The following DHRS4 variants were observed in gnomAD, a reference collection of about 807,000 sequenced individuals.
The protein encoded by DHRS4 is dehydrogenase/reductase 4.
DHRS4 carries 20 observed loss-of-function variants against 28.4 expected under a neutral mutation model. That is an observed-to-expected ratio of 0.71 (90% CI 0.50 to 1.02). DHRS4 has a LOEUF of 1.02. Among genes scored for constraint, DHRS4 ranks in the 50% least tolerant of loss-of-function variants. The pLI is 0.00. For missense variants in DHRS4, 378 were observed against 367.2 expected (o/e 1.03, Z -0.24); for synonymous variants, 144 against 146.4 (o/e 0.98, Z 0.12).
chr14:23,959,590 G>A (rs536145587), intron 2 of DHRS4, among the ~76,000 whole-genome samples: 15 of 152,064 alleles, frequency 9.9e-5, no homozygotes, highest in South Asian at 4.2e-4. Flanking sequence ...AATGGTTAGC[G>A]GCAGATCTTA....
intron 7 of DHRS4, among the ~76,000 whole-genome samples, chr14:23,968,276 G>T (rs1356313664): frequency 6.7e-6 from 1 of 149,538 alleles, no homozygotes; most frequent in Non-Finnish European, 1.5e-5. Context: ...GATAAAATAA[G>T]AATTAGCACA....
chr14:23,956,379 G>C (rs1367042544), intron 2 of DHRS4, among the ~76,000 whole-genome samples: 1 of 152,196 alleles, frequency 6.6e-6, no homozygotes. Context: ...TACAGGCCTG[G>C]CCCAGAGGTG....
At chr14:23,961,101 C>T (rs1434281809) in intron 3 of DHRS4, among the ~76,000 whole-genome samples, 1 of 151,696 alleles carries the variant, frequency 6.6e-6, no homozygotes, top group Non-Finnish European at 1.5e-5. Context: ...ACACCAGGCC[C>T]CACCTGGAAC....
At chr14:23,955,457 A>C in intron 2 of DHRS4, among the ~76,000 whole-genome samples, 1 of 152,150 alleles carries the variant, frequency 6.6e-6, no homozygotes. Context: ...AGTAATTTTC[A>C]ATCTAATTGA....
rs926612921 is a variant in DHRS4 at position 23,967,332 on chromosome 14, C to T, written c.722+66C>T. 441 of 1,547,662 alleles carry T rather than the reference C, an allele frequency of 2.8e-4. 4 individuals are homozygous for T. Among genetic ancestry groups the T allele is most frequent in the Non-Finnish European group, 3.8e-4 (430 of 1,135,850 alleles). On this transcript the variant is annotated intron_variant, in intron 7 of 7. Coordinates refer to ENST00000313250, the MANE Select transcript of DHRS4 (RefSeq NM_021004.4). Reference sequence around the variant, plus strand: ...ATGGGAAGGTCTGGTCCCTAGCAGCCCACAGCCCGCTGTCTCAGTCCCACA... The same window carrying T: ...ATGGGAAGGTCTGGTCCCTAGCAGCTCACAGCCCGCTGTCTCAGTCCCACA...
At position 23,959,620 on chromosome 14, in the gene DHRS4, T is replaced by A. The variant is rs565657037; in HGVS notation, c.307-282T>A. 7.2e-5 allele frequency among the ~76,000 whole-genome samples: 11 copies of A among 151,926 alleles called. No homozygotes were observed. In the South Asian group the frequency reaches 2.3e-3, roughly 32 times the overall value. On this transcript the variant is annotated intron_variant, in intron 2 of 7. Transcript: ENST00000313250. ...ATCTTAGGGTAGTTTTCAAAAAAGA[T>A]GTTTTAAGAAATAGAAGTTATTTTG...
intron 2 of DHRS4, among the ~76,000 whole-genome samples, chr14:23,958,366 G>C (rs2033260199): frequency 6.6e-6 from 1 of 152,126 alleles, no homozygotes; most frequent in Non-Finnish European, 1.5e-5. Flanking sequence ...AGTTGACCGA[G>C]GGCCCGTGTA....
At chr14:23,960,032 G>GGC (rs1566472619) in intron 3 of DHRS4, 29 bp downstream of exon 3, 1 of 1,589,408 alleles carries the variant, frequency 6.3e-7, no homozygotes, top group African/African-American at 1.5e-5. Flanking sequence ...AGGGGGGCCG[G>GGC]GGGGGGCGCC....
chr14:23,954,120 GC>G (rs1479326879), intron 1 of DHRS4: 1 of 741,814 alleles, frequency 1.3e-6, no homozygotes, highest in Admixed American at 3.0e-5. Flanking sequence ...TCCTGTCCCT[GC>G]TACCTCTGGC....
chr14:23,962,862 T>C (rs2033474108), intron 3 of DHRS4, among the ~76,000 whole-genome samples: 1 of 148,958 alleles, frequency 6.7e-6, no homozygotes, highest in Non-Finnish European at 1.5e-5. Flanking sequence ...TCTTAAATAA[T>C]AAGTCTTGGA....
intron 2 of DHRS4, among the ~76,000 whole-genome samples, 155 bp from the exon 3 acceptor site, chr14:23,959,747 C>T (rs2033330755): frequency 1.3e-5 from 2 of 151,866 alleles, no homozygotes; most frequent in African/African-American, 2.4e-5. Context: ...TCAAACTCCT[C>T]AGCTCAAGTG....
At position 23,953,815 on chromosome 14, in the gene DHRS4, C is replaced by T; in HGVS notation, c.27C>T (p.Leu9=). The change falls in exon 1 of 8, where the codon CTC becomes CTT. Residue 9 remains leucine (L), a synonymous_variant. Coordinates refer to ENST00000313250, the MANE Select transcript of DHRS4 (RefSeq NM_021004.4). MHKAGLLG[L]CARAWNSVRM... ...TGCACAAGGCGGGGCTGCTAGGCCT[C>T]TGTGCCCGGGCTTGGAATTCGGTGC... is the stretch of plus-strand genomic sequence containing the variant. 1 of 1,614,130 alleles carries T rather than the reference C, an allele frequency of 6.2e-7. No homozygotes were observed.
intron 2 of DHRS4, among the ~76,000 whole-genome samples, chr14:23,958,308 G>A (rs1476019433): frequency 6.6e-6 from 1 of 152,180 alleles, no homozygotes; most frequent in East Asian, 1.9e-4. Context: ...CTAGCAGATG[G>A]TGTACATTGT....
chr14:23,963,677 T>C (rs1394772883), intron 3 of DHRS4, among the ~76,000 whole-genome samples: 1 of 147,750 alleles, frequency 6.8e-6, no homozygotes, highest in Non-Finnish European at 1.5e-5. Flanking sequence ...ATCATTTATA[T>C]GTTCAGAGAA....
chr14:23,962,707 A>C (rs1228805339), intron 3 of DHRS4, among the ~76,000 whole-genome samples: 2 of 151,266 alleles, frequency 1.3e-5, no homozygotes, highest in African/African-American at 4.9e-5. Flanking sequence ...GTTAATGTAG[A>C]TATTTTGACC....
intron 3 of DHRS4, among the ~76,000 whole-genome samples, chr14:23,964,218 TGTAAAAA>T (rs1351050576): frequency 2.6e-5 from 1 of 38,380 alleles, no homozygotes; most frequent in Non-Finnish European, 4.3e-5. Flanking sequence ...AACTGCAATT[TGTAAAAA>T]AAAAAAAAAA....
At chr14:23,954,675 G>A (rs757005737) in intron 1 of DHRS4, among the ~76,000 whole-genome samples, 2 of 152,208 alleles carry the variant, frequency 1.3e-5, no homozygotes, top group Non-Finnish European at 2.9e-5. Flanking sequence ...AGAAACCTGG[G>A]GGCAGGGCTG....
intron 7 of DHRS4, 199 bp downstream of exon 7, chr14:23,967,465 G>C: frequency 9.7e-7 from 1 of 1,025,720 alleles, no homozygotes. Context: ...GGTAAACACA[G>C]AGACATCGGG....
Position 23,955,199 on chromosome 14 carries a change from G to A in DHRS4, c.293G>A (p.Arg98Gln), listed in dbSNP as rs1188330789. ...CHVGKAEDRERLVATAVKLHG... is the reference protein window; with the variant it reads ...CHVGKAEDREQLVATAVKLHG... ...GTGGGGAAGGCGGAGGACCGGGAGC[G>A]GCTGGTGGCCACGGTGAGCTGCAGG... Residue 98 changes from arginine (R) to glutamine (Q), a missense_variant, in exon 2 of 8, where the codon CGG becomes CAG. By Grantham distance (43) the Arg-to-Gln change is conservative. Coordinates refer to ENST00000313250, the MANE Select transcript of DHRS4 (RefSeq NM_021004.4). 4 of 1,613,102 alleles carry A rather than the reference G, an allele frequency of 2.5e-6. No individual in the cohort carries two copies. Among genetic ancestry groups the A allele is most frequent in the African/African-American group, 2.7e-5 (2 of 74,900 alleles).
Sources: allele counts gnomAD v4.1 joint callset (sites outside exome capture counted in the v4.1 genomes callset), GRCh38; gene constraint gnomAD v4.1.1; transcripts MANE v1.5; gene names NCBI Gene and HGNC (gene_info 2026-07-23, HGNC 2026-07-21).